The following MGAM variants were observed in gnomAD, a reference collection of about 807,000 sequenced individuals.
The protein encoded by MGAM is maltase-glucoamylase, also known as alpha-1,4-glucosidase.
In MGAM, 253 loss-of-function variants were observed where a neutral mutation model predicts 358.8. That is an observed-to-expected ratio of 0.71 (90% CI 0.64 to 0.78). MGAM has a LOEUF of 0.78. MGAM is among the 30% of genes least tolerant of loss of function. The probability of loss-of-function intolerance (pLI) is 0.00; values close to 1 mark genes in which losing one functional copy is unlikely to be tolerated. For missense variants in MGAM, 3,080 were observed against 3,432.6 expected, an observed-to-expected ratio of 0.90 and a Z score of 2.57; for synonymous variants, 1,105 against 1,227.1, an observed-to-expected ratio of 0.90 and a Z score of 2.08.
chr7:142,097,533 T>C (rs956588217), intron 65 of MGAM, 60 bp from the exon 66 acceptor site: 3 of 1,499,864 alleles, frequency 2.0e-6, no homozygotes, highest in African/African-American at 1.4e-5. Context: ...CCTAAGTATT[T>C]TGGTTTCTCT....
chr7:142,061,557 T>G (rs1282188135), intron 34 of MGAM, among the ~76,000 whole-genome samples: 1 of 152,196 alleles, frequency 6.6e-6, no homozygotes, highest in East Asian at 1.9e-4. Flanking sequence ...TCTGGGTTCC[T>G]ACCTGCCCTT....
Position 142,082,572 on chromosome 7 carries a change from G to T in MGAM, c.6268+1G>T. 1 of 1,509,218 alleles carries T rather than the reference G, an allele frequency of 6.6e-7. No individual in the cohort carries two copies. Among genetic ancestry groups the T allele is most frequent in the Non-Finnish European group, 9.0e-7 (1 of 1,107,184 alleles). 93.5% of individuals were successfully genotyped at this position (1,509,218 alleles called of 1,614,324 possible). ...CTCCTGCTGAACAGCAATGCCATGG[G>T]TAAGGCCATCCAGCGCCTCCCTTAT... On this transcript the variant is annotated splice_donor_variant, in intron 52 of 70. Coordinates refer to ENST00000475668, the MANE Select transcript of MGAM (RefSeq NM_001365693.1). LOFTEE classifies it high-confidence loss of function.
In MGAM at chr7:142,062,472, A is replaced by T. The variant is rs529055340; in HGVS notation, c.4123-96A>T. The T allele has an allele frequency of 1.4e-4, 207 of 1,469,710 alleles. 2 individuals are homozygous for T. The African/African-American group carries it at 2.6e-3, about 19-fold the overall frequency. 91.0% of individuals were successfully genotyped at this position (1,469,710 alleles called of 1,614,324 possible). A position where few individuals can be genotyped will look rare whatever the true frequency, so the allele number is the denominator to read the frequency against. ...CTGTTCAGGCTGTCTGTCACCATGC[A>T]GTTGAAGTATTTGTGTGAGTTGCAT... On this transcript the variant is annotated intron_variant, in intron 34 of 70. Transcript: ENST00000475668.
At chr7:141,997,761 C>T (rs1395213078) in intron 1 of MGAM, among the ~76,000 whole-genome samples, 1 of 152,128 alleles carries the variant, frequency 6.6e-6, no homozygotes, top group African/African-American at 2.4e-5. Context: ...AATCTCTCAC[C>T]TTGGGTGTGA....
At chr7:142,044,539 G>A (rs1809741410) in intron 21 of MGAM, among the ~76,000 whole-genome samples, 1 of 134,328 alleles carries the variant, frequency 7.4e-6, no homozygotes, top group East Asian at 2.1e-4. Flanking sequence ...TACGATATAT[G>A]ATATATAATG....
At chr7:142,030,326 C>G (rs1584946221) in intron 10 of MGAM, 36 bp from the exon 11 acceptor site, 10 of 1,601,696 alleles carry the variant, frequency 6.2e-6, no homozygotes, top group African/African-American at 2.7e-5. Context: ...ATGGAAATTC[C>G]TAGGTGCTAA....
chr7:142,085,735 G>A, intron 54 of MGAM, 98 bp from the exon 55 acceptor site: 1 of 1,394,328 alleles, frequency 7.2e-7, no homozygotes, highest in Non-Finnish European at 9.7e-7. Flanking sequence ...TCAACAAGAA[G>A]CTATCTGGAA....
At chr7:142,020,321 A>G (rs145153003) in intron 4 of MGAM, among the ~76,000 whole-genome samples, 4 of 152,214 alleles carry the variant, frequency 2.6e-5, no homozygotes, top group South Asian at 2.1e-4. Flanking sequence ...GGAATTATGT[A>G]TATGTATGTC....
At chr7:142,031,299 A>G (rs1259966370) in intron 12 of MGAM, among the ~76,000 whole-genome samples, 3 of 152,156 alleles carry the variant, frequency 2.0e-5, no homozygotes, top group Admixed American at 6.6e-5. Flanking sequence ...GATAGGAAAG[A>G]AAGAGAGAAA....
At chr7:142,004,020 T>A (rs139289935) in intron 1 of MGAM, among the ~76,000 whole-genome samples, 2 of 152,042 alleles carry the variant, frequency 1.3e-5, no homozygotes, top group South Asian at 4.1e-4. Flanking sequence ...AGAATGGCTA[T>A]TATTGAAAAG....
chr7:142,033,268 T>G (rs1807678073), intron 14 of MGAM, among the ~76,000 whole-genome samples: 1 of 152,126 alleles, frequency 6.6e-6, no homozygotes, highest in Non-Finnish European at 1.5e-5. Context: ...TAACCAGCCT[T>G]GGTCATCAGG....
intron 9 of MGAM, 76 bp downstream of exon 9, chr7:142,027,303 C>G (rs1817791619): frequency 8.6e-7 from 1 of 1,159,142 alleles, no homozygotes. Context: ...AATTCATGTG[C>G]AAGTGTGACC....
intron 50 of MGAM, among the ~76,000 whole-genome samples, chr7:142,081,728 C>T (rs1343634226): frequency 1.4e-5 from 2 of 145,202 alleles, no homozygotes; most frequent in Admixed American, 6.9e-5. Context: ...GTAGAAAATG[C>T]GCTGAGGGGT....
chr7:142,044,274 TATACACATAC>T (rs1809635904), intron 21 of MGAM, among the ~76,000 whole-genome samples: 2 of 100,962 alleles, frequency 2.0e-5, no homozygotes, highest in Non-Finnish European at 4.7e-5. Context: ...ATATACATTA[TATACACATAC>T]GACATATAAT....
intron 1 of MGAM, among the ~76,000 whole-genome samples, chr7:141,998,545 T>G (rs1804463605): frequency 6.6e-6 from 1 of 152,204 alleles, no homozygotes; most frequent in East Asian, 1.9e-4. Context: ...CTGAGAATGA[T>G]GGCTTCCAGT....
Position 142,060,380 on chromosome 7 carries a change from G to A in MGAM, c.4122+7G>A. 1 of 1,613,978 alleles carries A rather than the reference G, an allele frequency of 6.2e-7. No individual in the cohort carries two copies. Among genetic ancestry groups the A allele is most frequent in the South Asian group, 1.1e-5 (1 of 91,064 alleles). On this transcript the variant is annotated splice_region_variant and intron_variant, in intron 34 of 70. Coordinates refer to ENST00000475668, the MANE Select transcript of MGAM (RefSeq NM_001365693.1). Reference sequence around the variant, plus strand: ...CTGGGACAGCCAAGTGGAGGTAAAAGGGTGTTTGTAAATTTGGGTGGAGTC... The same window carrying A: ...CTGGGACAGCCAAGTGGAGGTAAAAAGGTGTTTGTAAATTTGGGTGGAGTC...
At chr7:142,096,960 A>T (rs111900644) in intron 65 of MGAM, among the ~76,000 whole-genome samples, 1 of 145,954 alleles carries the variant, frequency 6.9e-6, no homozygotes, top group Non-Finnish European at 1.5e-5. Flanking sequence ...ACAGAGTCTC[A>T]CTCTGTCATC....
chr7:141,986,647 A>T (rs976062154), intron 2 of MGAM, among the ~76,000 whole-genome samples: 1 of 152,200 alleles, frequency 6.6e-6, no homozygotes, highest in African/African-American at 2.4e-5. Flanking sequence ...TTATAGGGGA[A>T]AATTTCTGCA....
intron 21 of MGAM, 42 bp downstream of exon 21, chr7:142,040,888 G>C: frequency 6.4e-7 from 1 of 1,551,584 alleles, no homozygotes; most frequent in African/African-American, 1.4e-5. Flanking sequence ...TCATGTCCTT[G>C]CTTAAACCCT....
Sources: allele counts gnomAD v4.1 joint callset (sites outside exome capture counted in the v4.1 genomes callset), GRCh38; gene constraint gnomAD v4.1.1; transcripts MANE v1.5; gene names NCBI Gene and HGNC (gene_info 2026-07-23, HGNC 2026-07-21).